The following IGF1 variants were observed in gnomAD, a reference collection of about 807,000 sequenced individuals.
The protein encoded by IGF1 is insulin like growth factor 1.
In IGF1, 4 loss-of-function variants were observed where a neutral mutation model predicts 13.8. The observed-to-expected ratio is 0.29, with a 90% CI of 0.14 to 0.66. The LOEUF (loss-of-function observed/expected upper bound fraction) is 0.66. IGF1 is among the 30% of genes least tolerant of loss of function. The pLI is 0.78. For synonymous variants in IGF1, 76 were observed against 72.6 expected (o/e 1.05, Z -0.23); for missense variants, 124 against 188.5 (o/e 0.66, Z 2.00).
At chr12:102,469,060 A>G (rs1006319890) in intron 2 of IGF1, among the ~76,000 whole-genome samples, 1 of 152,166 alleles carries the variant, frequency 6.6e-6, no homozygotes, top group South Asian at 2.1e-4. Context: ...TGTCTCCCCT[A>G]CCAGCCACTG....
chr12:102,479,797 T>C (rs1324618063), intron 1 of IGF1, among the ~76,000 whole-genome samples: 4 of 152,194 alleles, frequency 2.6e-5, no homozygotes, highest in Non-Finnish European at 5.9e-5. Flanking sequence ...TCCGGGACCT[T>C]AGCTCCAAAG....
chr12:102,467,506 A>G (rs887434305), intron 2 of IGF1, among the ~76,000 whole-genome samples: 1 of 152,232 alleles, frequency 6.6e-6, no homozygotes, highest in African/African-American at 2.4e-5. Context: ...GAGTCAGAAT[A>G]GTATAATATA....
chr12:102,454,097 T>C (rs1015074104), intron 2 of IGF1, among the ~76,000 whole-genome samples: 1 of 152,248 alleles, frequency 6.6e-6, no homozygotes, highest in Admixed American at 6.5e-5. Flanking sequence ...TGGCTGGATG[T>C]CTCATGCACC....
chr12:102,478,254 T>G (rs1195584577), intron 1 of IGF1, among the ~76,000 whole-genome samples: 1 of 143,354 alleles, frequency 7.0e-6, no homozygotes, highest in South Asian at 2.2e-4. Context: ...AAGAAATCAA[T>G]AGAGAGAAAG....
intron 2 of IGF1, among the ~76,000 whole-genome samples, chr12:102,456,493 A>G (rs1043650440): frequency 2.6e-5 from 4 of 152,096 alleles, no homozygotes; most frequent in Admixed American, 2.6e-4. Flanking sequence ...GCTAGCATTA[A>G]TCTTCTAATC....
At chr12:102,465,960 T>G (rs1566003162) in intron 2 of IGF1, among the ~76,000 whole-genome samples, 1 of 149,088 alleles carries the variant, frequency 6.7e-6, no homozygotes, top group African/African-American at 2.5e-5. Context: ...AATAAATAAA[T>G]AAATAAATAA....
intron 1 of IGF1, chr12:102,478,516 G>A: frequency 6.2e-7 from 1 of 1,611,276 alleles, no homozygotes; most frequent in Non-Finnish European, 8.5e-7. Flanking sequence ...GTTTGTTCCA[G>A]GTCTTTTACA....
At chr12:102,403,239 G>A (rs945751101) in intron 3 of IGF1, among the ~76,000 whole-genome samples, 1 of 151,992 alleles carries the variant, frequency 6.6e-6, no homozygotes, top group East Asian at 1.9e-4. Flanking sequence ...TAGGATCAAA[G>A]ATTAAATAAT....
At chr12:102,406,996 A>G (rs912891110) in intron 3 of IGF1, among the ~76,000 whole-genome samples, 3 of 150,700 alleles carry the variant, frequency 2.0e-5, no homozygotes, top group Admixed American at 1.3e-4. Flanking sequence ...CAGGAGGCTG[A>G]GGCAGGAAAA....
chr12:102,470,083 A>G (rs947834640), intron 2 of IGF1, among the ~76,000 whole-genome samples: 4 of 152,234 alleles, frequency 2.6e-5, no homozygotes, highest in African/African-American at 9.6e-5. Context: ...AATTAAGTGT[A>G]ATAGCTCACA....
intron 2 of IGF1, among the ~76,000 whole-genome samples, chr12:102,454,220 CATG>C (rs756662462): frequency 2.0e-5 from 3 of 152,250 alleles, no homozygotes; most frequent in Non-Finnish European, 2.9e-5. Flanking sequence ...ACCTTAAACA[CATG>C]ATGTGACTTC....
At chr12:102,425,340 T>C (rs1325615042) in intron 2 of IGF1, among the ~76,000 whole-genome samples, 1 of 152,208 alleles carries the variant, frequency 6.6e-6, no homozygotes, top group Non-Finnish European at 1.5e-5. Context: ...ACTTTTGGCC[T>C]GTGTTAATTT....
intron 3 of IGF1, among the ~76,000 whole-genome samples, chr12:102,409,041 G>A (rs1376576097): frequency 2.0e-5 from 3 of 152,184 alleles, no homozygotes; most frequent in Non-Finnish European, 1.5e-5. Flanking sequence ...CAGTAGTCGT[G>A]TGACCTTTGA....
chr12:102,415,427 A>C (rs1429455846), intron 3 of IGF1, among the ~76,000 whole-genome samples: 1 of 152,200 alleles, frequency 6.6e-6, no homozygotes, highest in African/African-American at 2.4e-5. Context: ...ACATGTAGGC[A>C]TTCAAGATAA....
At chr12:102,477,905 T>C (rs1881160374) in intron 1 of IGF1, among the ~76,000 whole-genome samples, 1 of 152,168 alleles carries the variant, frequency 6.6e-6, no homozygotes, top group South Asian at 2.1e-4. Flanking sequence ...ATATTTTTAA[T>C]AGTTCTAGTA....
At chr12:102,404,305 G>A (rs563084183) in intron 3 of IGF1, among the ~76,000 whole-genome samples, 1 of 152,326 alleles carries the variant, frequency 6.6e-6, no homozygotes, top group South Asian at 2.1e-4. Flanking sequence ...CCTGAGACCT[G>A]GAGAAGGTGA....
rs1249121153 is a variant in IGF1, at chr12:102,396,024, A to G, written c.*6483T>C. ...AGTTACATTTTTAGAAGTCATTAGG[A>G]TTGATATTCCTCTGCCATAAGTGAA... On this transcript the variant is annotated 3_prime_UTR_variant, in exon 4 of 4. Transcript: ENST00000337514. 1 of 152,246 alleles carries G rather than the reference A, an allele frequency of 6.6e-6. No homozygotes were observed. Among genetic ancestry groups the G allele is most frequent in the African/African-American group, 2.4e-5 (1 of 41,476 alleles). The allele number at this position is 152,246 out of a possible 1,614,324, so 9.4% of individuals were successfully genotyped here.
intron 2 of IGF1, among the ~76,000 whole-genome samples, chr12:102,473,701 C>T (rs901086569): frequency 6.6e-6 from 1 of 152,152 alleles, no homozygotes; most frequent in African/African-American, 2.4e-5. Context: ...TATTGAGATA[C>T]AATTTTTAAA....
chr12:102,449,313 C>T (rs1184599779), intron 2 of IGF1, among the ~76,000 whole-genome samples: 1 of 150,430 alleles, frequency 6.6e-6, no homozygotes, highest in Non-Finnish European at 1.5e-5. Context: ...CCAAACACCA[C>T]ATTTTCTCAC....
Sources: allele counts gnomAD v4.1 joint callset (sites outside exome capture counted in the v4.1 genomes callset), GRCh38; gene constraint gnomAD v4.1.1; transcripts MANE v1.5; gene names NCBI Gene and HGNC (gene_info 2026-07-23, HGNC 2026-07-21).